The following CYRIB variants were observed in gnomAD, a reference collection of about 807,000 sequenced individuals.
The protein encoded by CYRIB is CYFIP-related Rac1 interactor B.
In CYRIB, 8 loss-of-function variants were observed where a neutral mutation model predicts 44.2. The ratio of observed to expected loss-of-function variants is 0.18; its 90% CI spans 0.11 to 0.33. The LOEUF (loss-of-function observed/expected upper bound fraction) is 0.33, where lower values mean the gene tolerates loss of function less well. CYRIB is among the 10% of genes least tolerant of loss of function. The pLI, the probability that CYRIB is intolerant of heterozygous loss-of-function variation, is 1.00. For missense variants in CYRIB, 185 were observed against 382.8 expected (o/e 0.48, Z 4.31); for synonymous variants, 131 against 127.2 (o/e 1.03, Z -0.20).
chr8:129,977,731 A>G (rs1162758000), intron 1 of CYRIB, among the ~76,000 whole-genome samples: 3 of 152,068 alleles, frequency 2.0e-5, no homozygotes, highest in African/African-American at 4.8e-5. Flanking sequence ...ATGGGGTTTC[A>G]CCGTGTTAGC....
At chr8:129,991,266 T>C (rs1359446828) in intron 1 of CYRIB, among the ~76,000 whole-genome samples, 1 of 152,064 alleles carries the variant, frequency 6.6e-6, no homozygotes, top group Non-Finnish European at 1.5e-5. Context: ...GCACTAAGTA[T>C]GTGCTCAATA....
intron 2 of CYRIB, among the ~76,000 whole-genome samples, chr8:129,955,184 C>T (rs1243680504): frequency 2.1e-5 from 3 of 143,642 alleles, no homozygotes; most frequent in African/African-American, 2.6e-5. Context: ...ACCCAGGAGG[C>T]GGAGGTTGCA....
intron 10 of CYRIB, among the ~76,000 whole-genome samples, chr8:129,848,914 T>C (rs2041863552): frequency 6.6e-6 from 1 of 152,202 alleles, no homozygotes; most frequent in Non-Finnish European, 1.5e-5. Context: ...AAACATTTTA[T>C]TTGAAATGGC....
intron 4 of CYRIB, chr8:129,864,894 C>A: frequency 2.6e-6 from 1 of 381,152 alleles, no homozygotes; most frequent in Non-Finnish European, 5.1e-6. Flanking sequence ...AGTCCTGACA[C>A]CCAACAGATC....
At chr8:129,993,418 T>G (rs575310859) in intron 1 of CYRIB, among the ~76,000 whole-genome samples, 2 of 145,228 alleles carry the variant, frequency 1.4e-5, no homozygotes, top group Admixed American at 6.9e-5. Flanking sequence ...GAACTCTGGC[T>G]GAACACAGGG....
chr8:129,850,660 C>T (rs1162565625), intron 9 of CYRIB, 175 bp downstream of exon 11: 9 of 621,682 alleles, frequency 1.4e-5, no homozygotes, highest in South Asian at 5.6e-5. Flanking sequence ...CCAGAAGTTA[C>T]GTTAAATAGC....
At chr8:129,957,736 C>A (rs907116529) in intron 2 of CYRIB, among the ~76,000 whole-genome samples, 2 of 151,678 alleles carry the variant, frequency 1.3e-5, no homozygotes, top group Non-Finnish European at 2.9e-5. Context: ...GAGGCCGAAG[C>A]AGGTGGATCA....
intron 10 of CYRIB, among the ~76,000 whole-genome samples, chr8:129,847,897 A>C (rs1027180935): frequency 6.6e-6 from 1 of 152,056 alleles, no homozygotes; most frequent in African/African-American, 2.4e-5. Flanking sequence ...TGCCTCCTGG[A>C]TTTAAGCGAT....
At chr8:129,966,273 T>C (rs528431654) in intron 2 of CYRIB, among the ~76,000 whole-genome samples, 18 of 152,330 alleles carry the variant, frequency 1.2e-4, no homozygotes, top group South Asian at 1.0e-3. Context: ...ATAGGAAACA[T>C]AGAATTTATA....
At chr8:129,889,217 AT>A (rs769698342) in intron 2 of CYRIB, among the ~76,000 whole-genome samples, 15 of 152,228 alleles carry the variant, frequency 9.9e-5, no homozygotes, top group Non-Finnish European at 1.5e-4. Flanking sequence ...TGTACTCAAT[AT>A]TCTAAGCCCA....
intron 1 of CYRIB, among the ~76,000 whole-genome samples, chr8:129,998,472 C>A (rs12548639): frequency 0.5 from 76,323 of 151,980 alleles, 21,862 homozygotes; most frequent in African/African-American, 0.78. Context: ...AACCCTAATG[C>A]ACAAGTTTCC....
chr8:129,863,682 T>C (rs898006011), intron 4 of CYRIB, among the ~76,000 whole-genome samples: 3 of 152,114 alleles, frequency 2.0e-5, no homozygotes, highest in African/African-American at 7.3e-5. Context: ...AAATATAATC[T>C]AGAGATCCTT....
intron 1 of CYRIB, among the ~76,000 whole-genome samples, chr8:130,009,320 T>A (rs1186891825): frequency 6.6e-6 from 1 of 150,954 alleles, no homozygotes; most frequent in South Asian, 2.1e-4. Flanking sequence ...CAGGCTGGAG[T>A]GCAATGGCAC....
chr8:129,849,517 G>A (rs1028923733), intron 9 of CYRIB, 148 bp from the exon 12 acceptor site: 4 of 652,986 alleles, frequency 6.1e-6, no homozygotes, highest in Non-Finnish European at 7.2e-6. Context: ...TAGCCACACT[G>A]ATACATTCAA....
At chr8:129,943,086 A>ACCCCCCCCCCCCCCCCCCCCCC (rs779721289), upstream of CYRIB, among the ~76,000 whole-genome samples, 1 of 101,578 alleles carries the variant, frequency 9.8e-6, no homozygotes, top group African/African-American at 3.3e-5. Context: ...TGCACCGCCC[A>ACCCCCCCCCCCCCCCCCCCCCC]CCCGCCCCCC....
At chr8:129,940,328 G>C (rs1590672918), upstream of CYRIB, among the ~76,000 whole-genome samples, 3 of 152,328 alleles carry the variant, frequency 2.0e-5, no homozygotes, top group African/African-American at 4.8e-5. Flanking sequence ...CGCGATTCCC[G>C]GCGCGGCACG....
chr8:129,972,135 G>A (rs2095717486), intron 1 of CYRIB, among the ~76,000 whole-genome samples: 1 of 152,212 alleles, frequency 6.6e-6, no homozygotes, highest in South Asian at 2.1e-4. Context: ...TAATTGTCCA[G>A]AGAGAACCCT....
intron 1 of CYRIB, among the ~76,000 whole-genome samples, chr8:130,007,488 C>T (rs1422601799): frequency 1.3e-5 from 2 of 152,194 alleles, no homozygotes; most frequent in Non-Finnish European, 2.9e-5. Flanking sequence ...ATAAAATATT[C>T]AAAGTATATG....
At chr8:129,865,429 G>C (rs1361050832) in intron 4 of CYRIB, among the ~76,000 whole-genome samples, 1 of 152,228 alleles carries the variant, frequency 6.6e-6, no homozygotes, top group Non-Finnish European at 1.5e-5. Context: ...GACATTTGCA[G>C]AGTGGGAGAA....
Sources: gnomAD v4.1 joint callset for allele counts (sites outside exome capture counted in the v4.1 genomes callset) on GRCh38, gnomAD v4.1.1 for gene constraint, MANE v1.5 for transcripts, NCBI Gene and HGNC (gene_info 2026-07-23, HGNC 2026-07-21) for gene names.